DPYD: variants seen among roughly 807,000 people sequenced by gnomAD.
The protein encoded by DPYD is dihydropyrimidine dehydrogenase [NADP(+)].
A neutral mutation model predicts 116.2 loss-of-function variants in DPYD; 109 were observed. That is an observed-to-expected ratio of 0.94 (90% CI 0.80 to 1.10). The LOEUF (loss-of-function observed/expected upper bound fraction) is 1.10. Ranked by LOEUF, DPYD falls within the 50% of genes least tolerant of loss-of-function variation. The pLI is 0.00. For synonymous variants in DPYD, 440 were observed against 432.0 expected, an observed-to-expected ratio of 1.02 and a Z score of -0.23; for missense variants, 1,302 against 1,254.5, an observed-to-expected ratio of 1.04 and a Z score of -0.57.
At chr1:97,262,843 T>C (rs1394350833) in intron 18 of DPYD, among the ~76,000 whole-genome samples, 2 of 152,110 alleles carry the variant, frequency 1.3e-5, no homozygotes, top group African/African-American at 4.8e-5. Context: ...CATTTATAAT[T>C]TCCACTGTGA....
At chr1:97,278,191 T>C (rs1665079317) in intron 18 of DPYD, among the ~76,000 whole-genome samples, 1 of 152,240 alleles carries the variant, frequency 6.6e-6, no homozygotes. Flanking sequence ...TGTTTCTTTC[T>C]GTCTTGAGCA....
chr1:97,393,390 C>G (rs1360020198), intron 14 of DPYD, among the ~76,000 whole-genome samples: 4 of 151,770 alleles, frequency 2.6e-5, no homozygotes, highest in Admixed American at 2.0e-4. Flanking sequence ...GTGTGCTGCA[C>G]CCATTAACTC....
intron 3 of DPYD, among the ~76,000 whole-genome samples, chr1:97,767,110 T>C (rs999055943): frequency 6.6e-6 from 1 of 152,194 alleles, no homozygotes; most frequent in Admixed American, 6.5e-5. Flanking sequence ...AGGTAGCTCC[T>C]GTTTTTCCCC....
intron 13 of DPYD, among the ~76,000 whole-genome samples, chr1:97,453,344 G>A (rs1676518714): frequency 6.6e-6 from 1 of 151,996 alleles, no homozygotes; most frequent in African/African-American, 2.4e-5. Context: ...ACCACCTAGG[G>A]TATTTCCTAG....
At chr1:97,354,761 A>G (rs1670337578) in intron 16 of DPYD, among the ~76,000 whole-genome samples, 2 of 152,228 alleles carry the variant, frequency 1.3e-5, no homozygotes, top group Non-Finnish European at 2.9e-5. Flanking sequence ...ACACGAAAAG[A>G]CATTTTGTGT....
intron 3 of DPYD, among the ~76,000 whole-genome samples, chr1:97,799,810 G>A (rs1185444776): frequency 6.6e-6 from 1 of 151,918 alleles, no homozygotes; most frequent in Non-Finnish European, 1.5e-5. Context: ...TTGTTCCACT[G>A]GAGGGTAGCA....
At chr1:97,337,647 A>C in intron 16 of DPYD, among the ~76,000 whole-genome samples, 1 of 104,580 alleles carries the variant, frequency 9.6e-6, no homozygotes, top group Non-Finnish European at 2.3e-5. Flanking sequence ...CTCATGACTT[A>C]ACACATTTTT....
At chr1:97,272,341 C>T (rs1664638452) in intron 18 of DPYD, among the ~76,000 whole-genome samples, 1 of 152,126 alleles carries the variant, frequency 6.6e-6, no homozygotes, top group African/African-American at 2.4e-5. Flanking sequence ...TATGGTATGT[C>T]TTTTAACTGA....
rs563481547 is a variant in DPYD at position 97,628,782 on chromosome 1, G to A, written c.851-33616C>T. ...ATATGCAAATAGAATTAGTAAATAC[G>A]AATGTACTACGTACTAGTAATATGC... On this transcript the variant is annotated intron_variant, in intron 8 of 22. Coordinates refer to ENST00000370192, the MANE Select transcript of DPYD (RefSeq NM_000110.4). 7.2e-5 allele frequency among the ~76,000 whole-genome samples: 11 copies of A among 152,060 alleles called. No individual in the cohort carries two copies. The East Asian group carries it at 9.7e-4, about 13-fold the overall frequency.
chr1:97,107,467 C>A (rs1651253046), intron 20 of DPYD, among the ~76,000 whole-genome samples: 1 of 151,968 alleles, frequency 6.6e-6, no homozygotes, highest in South Asian at 2.1e-4. Context: ...TGGGGAAAAT[C>A]AATTTCCTCA....
At chr1:97,264,420 A>C (rs1309879821) in intron 18 of DPYD, among the ~76,000 whole-genome samples, 1 of 151,818 alleles carries the variant, frequency 6.6e-6, no homozygotes, top group Non-Finnish European at 1.5e-5. Context: ...TCCTGAGCTC[A>C]AGCAATCCTC....
intron 20 of DPYD, among the ~76,000 whole-genome samples, chr1:97,166,644 T>G (rs1270337932): frequency 6.6e-6 from 1 of 152,320 alleles, no homozygotes; most frequent in East Asian, 1.9e-4. Flanking sequence ...TAACTTTTCT[T>G]TTAAGATTTC....
chr1:97,184,038 T>C lies in DPYD; in HGVS notation c.2622+9031A>G, dbSNP rs565673462. Among the ~76,000 whole-genome samples the C allele has an allele frequency of 2.0e-5, 3 of 152,234 alleles. No homozygotes were observed. In the South Asian group the frequency reaches 6.2e-4, roughly 32 times the overall value. ...GAGTGTTTAGTTTTCTGTTCCTGCA[T>C]TAGTTTGCTAAAAATAATGGCCTCC... On this transcript the variant is annotated intron_variant, in intron 20 of 22. Transcript: ENST00000370192.
chr1:97,589,801 A>T (rs951507535), intron 10 of DPYD, among the ~76,000 whole-genome samples: 3 of 152,156 alleles, frequency 2.0e-5, no homozygotes, highest in African/African-American at 7.2e-5. Context: ...TTTCCAAATT[A>T]CACCCAAGAG....
intron 18 of DPYD, among the ~76,000 whole-genome samples, chr1:97,281,087 A>G (rs1030955308): frequency 6.6e-6 from 1 of 152,146 alleles, no homozygotes; most frequent in Non-Finnish European, 1.5e-5. Flanking sequence ...TTAAAATATA[A>G]TGATCAATAA....
chr1:97,428,346 T>C (rs148943785), intron 14 of DPYD, among the ~76,000 whole-genome samples: 7 of 152,214 alleles, frequency 4.6e-5, no homozygotes, highest in African/African-American at 1.7e-4. Flanking sequence ...TCCTAATACA[T>C]AAGTCAGTTT....
At chr1:97,917,157 C>T (rs557451677) in intron 1 of DPYD, among the ~76,000 whole-genome samples, 1 of 152,022 alleles carries the variant, frequency 6.6e-6, no homozygotes, top group Non-Finnish European at 1.5e-5. Context: ...CTGCAGTGCC[C>T]AGTCAATAAA....
intron 3 of DPYD, among the ~76,000 whole-genome samples, chr1:97,770,169 A>G (rs1031177229): frequency 1.3e-5 from 2 of 152,236 alleles, no homozygotes; most frequent in Admixed American, 6.5e-5. Context: ...TGAAGCTCGC[A>G]TGTCCTAGTT....
chr1:97,196,890 T>C (rs1658857786), intron 19 of DPYD, among the ~76,000 whole-genome samples: 1 of 152,212 alleles, frequency 6.6e-6, no homozygotes, highest in Non-Finnish European at 1.5e-5. Context: ...AAAAATTTAA[T>C]CAAGTTATCT....
Sources: gnomAD v4.1 joint callset for allele counts (sites outside exome capture counted in the v4.1 genomes callset) on GRCh38, gnomAD v4.1.1 for gene constraint, MANE v1.5 for transcripts, NCBI Gene and HGNC (gene_info 2026-07-23, HGNC 2026-07-21) for gene names.